DCHS2: variants seen among roughly 807,000 people sequenced by gnomAD.
DCHS2 encodes protocadherin-23.
A neutral mutation model predicts 182.4 loss-of-function variants in DCHS2; 142 were observed. The observed-to-expected ratio is 0.78, with a 90% confidence interval of 0.68 to 0.89. The LOEUF (loss-of-function observed/expected upper bound fraction) is 0.89, where lower values mean the gene tolerates loss of function less well. Ranked by LOEUF, DCHS2 falls within the 40% of genes least tolerant of loss-of-function variation. DCHS2 has a pLI of 0.00. For missense variants in DCHS2, 4,319 were observed against 4,198.6 expected, an observed-to-expected ratio of 1.03 and a Z score of -0.79; for synonymous variants, 1,740 against 1,663.3, an observed-to-expected ratio of 1.05 and a Z score of -1.12.
rs1345954505 is a variant in DCHS2 at position 154,490,398 on chromosome 4, C to A, written c.958G>T (p.Ala320Ser). 3 of 1,532,984 alleles carry A rather than the reference C, an allele frequency of 2.0e-6. No homozygotes were observed. Among genetic ancestry groups the A allele is most frequent in the East Asian group, 2.5e-5 (1 of 40,550 alleles). 95.0% of individuals were successfully genotyped at this position (1,532,984 alleles called of 1,614,324 possible). ...QPGAEVCRVRATDRDLGPNGF... is the reference protein window; with the variant it reads ...QPGAEVCRVRSTDRDLGPNGF... ...TTGGGCCCCAGGTCGCGGTCGGTGG[C>A]GCGCACGCGACAGACCTCGGCGCCC... is the stretch of plus-strand genomic sequence containing the variant. Residue 320 changes from alanine (A) to serine (S), a missense_variant, in exon 1 of 20, where the codon GCC (alanine) becomes TCC (serine). By Grantham distance (99) the Ala-to-Ser change is moderately conservative. Coordinates refer to ENST00000357232, the MANE Select transcript of DCHS2 (RefSeq NM_001358235.2).
rs141570721 is a variant in DCHS2 at position 154,299,645 on chromosome 4, C to T, written c.5606-937G>A. On this transcript the variant is annotated intron_variant, in intron 12 of 19. Coordinates refer to ENST00000357232, the MANE Select transcript of DCHS2 (RefSeq NM_001358235.2). Reference sequence around the variant, plus strand: ...GCCCTGCATTTGTATTCATGAGGAACAGTTAATTTACACCAAAAGTAGAGA... The same window carrying T: ...GCCCTGCATTTGTATTCATGAGGAATAGTTAATTTACACCAAAAGTAGAGA... Among the ~76,000 whole-genome samples, 207 of 152,238 alleles carry T rather than the reference C, an allele frequency of 1.4e-3. 1 individual carries two copies. Among genetic ancestry groups the T allele is most frequent in the African/African-American group, 4.6e-3 (190 of 41,554 alleles).
intron 16 of DCHS2, among the ~76,000 whole-genome samples, chr4:154,244,347 A>AAC (rs772158186): frequency 2.2e-4 from 33 of 152,312 alleles, no homozygotes; most frequent in Middle Eastern, 3.4e-3. Flanking sequence ...ATACTTGTTG[A>AAC]ACATACCTCT....
chr4:154,397,002 G>A lies in DCHS2; in HGVS notation c.2053-19558C>T, dbSNP rs764451383. On this transcript the variant is annotated intron_variant, in intron 1 of 19. Transcript: ENST00000357232. ...GGAATTGGTAGGAATAATAGCCTAAGACAAGAAAGGCATCCTTGTTGAAAT... is the reference window on the plus strand; with the variant it reads ...GGAATTGGTAGGAATAATAGCCTAAAACAAGAAAGGCATCCTTGTTGAAAT... Among the ~76,000 whole-genome samples, 25 of 152,268 alleles carry A rather than the reference G, an allele frequency of 1.6e-4. No individual in the cohort carries two copies. The South Asian group carries it at 2.3e-3, about 14-fold the overall frequency.
rs577570928 is a variant in DCHS2, at chr4:154,279,719, C to T, written c.6464-9706G>A. Among the ~76,000 whole-genome samples the T allele has an allele frequency of 4.6e-5, 7 of 151,774 alleles. No individual in the cohort carries two copies. The East Asian group carries it at 9.7e-4, about 21-fold the overall frequency. On this transcript the variant is annotated intron_variant, in intron 13 of 19. Transcript: ENST00000357232. ...AAAACATACCAAAAATTATGGGATG[C>T]AATGATAGTAATACTAAGAGGAAAG... is the stretch of plus-strand genomic sequence containing the variant.
intron 3 of DCHS2, among the ~76,000 whole-genome samples, chr4:154,350,204 T>G (rs1729543254): frequency 6.6e-6 from 1 of 152,208 alleles, no homozygotes; most frequent in Non-Finnish European, 1.5e-5. Context: ...GTTCAATAAC[T>G]TTCTGAAAAA....
At chr4:154,414,192 T>C (rs572571952) in intron 1 of DCHS2, among the ~76,000 whole-genome samples, 2 of 138,754 alleles carry the variant, frequency 1.4e-5, no homozygotes, top group South Asian at 2.3e-4. Context: ...TATATATATA[T>C]ATATAGAGAG....
chr4:154,397,318 A>G (rs1731972979), intron 1 of DCHS2, among the ~76,000 whole-genome samples: 1 of 152,122 alleles, frequency 6.6e-6, no homozygotes, highest in South Asian at 2.1e-4. Flanking sequence ...TGTTTTCTCT[A>G]TTTCTTTTCT....
chr4:154,491,334 T>C lies in DCHS2; in HGVS notation c.22A>G (p.Met8Val), dbSNP rs1200477154. Residue 8 changes from methionine to valine, a missense_variant, in exon 1 of 20, where the codon ATG becomes GTG. Met to Val is a conservative substitution (Grantham distance 21). Coordinates refer to ENST00000357232, the MANE Select transcript of DCHS2 (RefSeq NM_001358235.2). MSPCGRK[M>V]GEGRQQRRAP... ...CGCCGCTGCTGACGCCCTTCGCCCA[T>C]CTTCCGCCCACAAGGGCTCATTTCT... The C allele has an allele frequency of 1.3e-6, 2 of 1,542,294 alleles. No individual in the cohort carries two copies. Among genetic ancestry groups the C allele is most frequent in the Non-Finnish European group, 8.8e-7 (1 of 1,141,034 alleles).
chr4:154,274,223 T>G (rs1336932213), intron 13 of DCHS2, among the ~76,000 whole-genome samples: 2 of 152,180 alleles, frequency 1.3e-5, no homozygotes, highest in Non-Finnish European at 2.9e-5. Context: ...ATATTTATTT[T>G]TATTTGAAAT....
intron 1 of DCHS2, among the ~76,000 whole-genome samples, chr4:154,434,479 T>G (rs1733692372): frequency 6.6e-6 from 1 of 151,954 alleles, no homozygotes; most frequent in Non-Finnish European, 1.5e-5. Context: ...ATTATACATA[T>G]TGAAGTAGTA....
intron 1 of DCHS2, among the ~76,000 whole-genome samples, chr4:154,422,833 C>T (rs933307513): frequency 6.6e-6 from 1 of 152,094 alleles, no homozygotes; most frequent in Non-Finnish European, 1.5e-5. Flanking sequence ...TTCTCTGTGG[C>T]CCCACTACGC....
chr4:154,413,089 C>A (rs1414948296), intron 1 of DCHS2, among the ~76,000 whole-genome samples: 2 of 152,190 alleles, frequency 1.3e-5, no homozygotes, highest in Non-Finnish European at 2.9e-5. Flanking sequence ...AATTACAAGT[C>A]TGATTCTGAA....
intron 3 of DCHS2, among the ~76,000 whole-genome samples, chr4:154,354,101 T>A (rs929038609): frequency 2.0e-5 from 3 of 152,156 alleles, no homozygotes; most frequent in Admixed American, 1.3e-4. Context: ...TAACATTGTA[T>A]TTTTAGTGGA....
intron 1 of DCHS2, among the ~76,000 whole-genome samples, chr4:154,385,602 C>T (rs1480567356): frequency 6.6e-6 from 1 of 152,110 alleles, no homozygotes; most frequent in Non-Finnish European, 1.5e-5. Context: ...ATTCTCCTGA[C>T]TTAGCCTCCC....
chr4:154,430,056 T>C (rs1424704519), intron 1 of DCHS2, among the ~76,000 whole-genome samples: 1 of 152,042 alleles, frequency 6.6e-6, no homozygotes, highest in Non-Finnish European at 1.5e-5. Context: ...ATGACAAGAG[T>C]AATGTAGGTG....
Position 154,366,218 on chromosome 4 carries a change from G to T in DCHS2, c.2468C>A (p.Ser823Tyr). The T allele has an allele frequency of 6.2e-7, 1 of 1,611,670 alleles. No individual in the cohort carries two copies. The change falls in exon 3 of 20, where the codon TCC (serine) becomes TAC (tyrosine). Residue 823 changes from serine (S) to tyrosine (Y), a missense_variant. By Grantham distance (144) the Ser-to-Tyr change is moderately radical. Coordinates refer to ENST00000357232, the MANE Select transcript of DCHS2 (RefSeq NM_001358235.2). The part of the protein sequence containing the change: ...GNVSSLFTID[S>Y]TTGIIYLTLP... ...GTTCCAAGATCACATACCTGTGGTGGAGTCAATGGTAAAAAGGGACGACAC... is the reference window on the plus strand; with the variant it reads ...GTTCCAAGATCACATACCTGTGGTGTAGTCAATGGTAAAAAGGGACGACAC...
chr4:154,316,084 T>A, intron 9 of DCHS2, 97 bp from the exon 10 acceptor site: 2 of 1,514,880 alleles, frequency 1.3e-6, no homozygotes, highest in Non-Finnish European at 1.8e-6. Flanking sequence ...CTAATAAAAA[T>A]TCAGAAGTCT....
chr4:154,309,554 A>G (rs1735591256), intron 10 of DCHS2, among the ~76,000 whole-genome samples: 1 of 152,118 alleles, frequency 6.6e-6, no homozygotes, highest in Non-Finnish European at 1.5e-5. Flanking sequence ...TGGTTACTTC[A>G]GTATTCCCTT....
chr4:154,340,105 G>A (rs1388345720), intron 3 of DCHS2, among the ~76,000 whole-genome samples: 1 of 148,142 alleles, frequency 6.8e-6, no homozygotes, highest in East Asian at 2.1e-4. Flanking sequence ...TTAGGACTAT[G>A]AAGGAAACTT....
Sources: gnomAD v4.1 joint callset for allele counts (sites outside exome capture counted in the v4.1 genomes callset) on GRCh38, gnomAD v4.1.1 for gene constraint, MANE v1.5 for transcripts, NCBI Gene and HGNC (gene_info 2026-07-23, HGNC 2026-07-21) for gene names.